The following PRKCQ variants were observed in gnomAD, a reference collection of about 807,000 sequenced individuals.
PRKCQ encodes protein kinase C theta type.
PRKCQ carries 41 observed loss-of-function variants against 91.2 expected under a neutral mutation model. That is an observed-to-expected ratio of 0.45 (90% CI 0.35 to 0.58). The LOEUF (loss-of-function observed/expected upper bound fraction) is 0.58. PRKCQ is among the 20% of genes least tolerant of loss of function. PRKCQ has a pLI of 0.00. For missense variants in PRKCQ, 673 were observed against 896.5 expected (o/e 0.75, Z 3.18); for synonymous variants, 307 against 316.9 (o/e 0.97, Z 0.33).
chr10:6,482,579 T>C (rs956420529), intron 11 of PRKCQ, among the ~76,000 whole-genome samples: 1 of 152,220 alleles, frequency 6.6e-6, no homozygotes, highest in Non-Finnish European at 1.5e-5. Context: ...CCTCCAGACC[T>C]GCGAGAACAT....
chr10:6,401,706 G>T, the PRKCQ span, among the ~76,000 whole-genome samples: 2 of 152,276 alleles, frequency 1.3e-5, no homozygotes, highest in East Asian at 3.9e-4. Context: ...GAGTCACGCT[G>T]TCTGCTGGGA....
chr10:6,498,154 C>T (rs140905007), intron 5 of PRKCQ, among the ~76,000 whole-genome samples: 2 of 151,964 alleles, frequency 1.3e-5, no homozygotes, highest in Admixed American at 6.6e-5. Context: ...AATAGCCCCC[C>T]CATTGAGGCA....
chr10:6,492,238 TAAA>T (rs5782902), intron 7 of PRKCQ, among the ~76,000 whole-genome samples: 28,411 of 147,290 alleles, frequency 0.19, 3,725 homozygotes, highest in African/African-American at 0.36. Context: ...TTGGAAGATG[TAAA>T]AAAAAAAAAA....
intron 1 of PRKCQ, among the ~76,000 whole-genome samples, chr10:6,559,986 T>G (rs1998940): frequency 0.91 from 137,745 of 152,148 alleles, 63,109 homozygotes; most frequent in East Asian, 1. Flanking sequence ...ATTGTCTTTC[T>G]ACTCCAAAAA....
At chr10:6,429,312 A>G (rs1833287391) in intron 17 of PRKCQ, among the ~76,000 whole-genome samples, 2 of 152,244 alleles carry the variant, frequency 1.3e-5, no homozygotes, top group African/African-American at 2.4e-5. Flanking sequence ...TCTGATAGCT[A>G]AAAACAAGGT....
chr10:6,542,031 G>A (rs1386900326), intron 1 of PRKCQ, among the ~76,000 whole-genome samples: 2 of 152,100 alleles, frequency 1.3e-5, no homozygotes, highest in Non-Finnish European at 2.9e-5. Context: ...TTCTCAACAC[G>A]TTCCTCAACT....
chr10:6,447,264 G>A (rs749673197), intron 15 of PRKCQ, among the ~76,000 whole-genome samples: 10 of 151,932 alleles, frequency 6.6e-5, no homozygotes, highest in East Asian at 3.9e-4. Context: ...TAAATTAGCC[G>A]GGCATGGTGG....
intron 16 of PRKCQ, among the ~76,000 whole-genome samples, chr10:6,435,942 G>A (rs958773881): frequency 5.9e-5 from 9 of 152,084 alleles, no homozygotes; most frequent in African/African-American, 1.2e-4. Flanking sequence ...GGCAAAACCC[G>A]TCTCTACAAA....
At chr10:6,414,872 G>A in the PRKCQ span, among the ~76,000 whole-genome samples, 1 of 151,810 alleles carries the variant, frequency 6.6e-6, no homozygotes, top group Non-Finnish European at 1.5e-5. Flanking sequence ...ATATGCAATT[G>A]GAGACCCAAA....
intron 1 of PRKCQ, among the ~76,000 whole-genome samples, chr10:6,552,991 G>GA (rs369524592): frequency 6.6e-6 from 1 of 151,934 alleles, no homozygotes; most frequent in Non-Finnish European, 1.5e-5. Flanking sequence ...AAAAAACATT[G>GA]AAAAAAAGTG....
At chr10:6,486,221 C>T in intron 8 of PRKCQ, 77 bp from the exon 9 acceptor site, 4 of 1,243,390 alleles carry the variant, frequency 3.2e-6, no homozygotes, top group South Asian at 2.5e-5. Flanking sequence ...GGAGGTAAGA[C>T]AGAGCCTTGC....
chr10:6,514,482 C>T (rs986149072), intron 2 of PRKCQ, among the ~76,000 whole-genome samples: 3 of 152,196 alleles, frequency 2.0e-5, no homozygotes, highest in Admixed American at 6.5e-5. Context: ...CTTGATGAAA[C>T]ATCACTATTC....
intron 15 of PRKCQ, among the ~76,000 whole-genome samples, chr10:6,449,441 C>A (rs1834523844): frequency 1.3e-5 from 2 of 151,990 alleles, no homozygotes; most frequent in Non-Finnish European, 2.9e-5. Flanking sequence ...TGTGAAAAGA[C>A]CAAATCTGTG....
At chr10:6,561,592 C>A (rs1840636322) in intron 1 of PRKCQ, among the ~76,000 whole-genome samples, 1 of 152,080 alleles carries the variant, frequency 6.6e-6, no homozygotes, top group African/African-American at 2.4e-5. Flanking sequence ...GTTACAAAGG[C>A]CTATGCCAAA....
the PRKCQ span, among the ~76,000 whole-genome samples, chr10:6,404,587 C>G: frequency 9.3e-6 from 1 of 107,898 alleles, no homozygotes. Flanking sequence ...TTCTTTCTTT[C>G]TTTTTTTCTC....
the PRKCQ span, among the ~76,000 whole-genome samples, chr10:6,413,928 T>C: frequency 6.6e-6 from 1 of 152,242 alleles, no homozygotes; most frequent in Non-Finnish European, 1.5e-5. Context: ...TGGATTTGCC[T>C]TCCCACCAGA....
the PRKCQ span, among the ~76,000 whole-genome samples, chr10:6,395,008 T>C: frequency 6.7e-6 from 1 of 149,620 alleles, no homozygotes; most frequent in Non-Finnish European, 1.5e-5. Context: ...GGAATTGCAA[T>C]AGAGAACAAA....
chr10:6,483,530 T>C lies in PRKCQ; in HGVS notation c.1089A>G (p.Glu363=). 6.2e-7 allele frequency: 1 copy of C among 1,614,190 alleles called. No homozygotes were observed. The highest frequency in any genetic ancestry group is 1.6e-4 in the Middle Eastern group (1 of 6,062). ...GCAGAGATGGTCTTTCTTTGTTCAG[T>C]TCAGGTTCTGGAAGATGGCACATTT... The part of the protein sequence containing the change: ...VDKMCHLPEP[E]LNKERPSLQI... The change falls in exon 11 of 18, where the codon GAA becomes GAG. Residue 363 remains glutamate (E), a synonymous_variant. Coordinates refer to ENST00000263125, the MANE Select transcript of PRKCQ (RefSeq NM_006257.5).
At chr10:6,407,470 AGTGT>A in the PRKCQ span, among the ~76,000 whole-genome samples, 1,553 of 148,680 alleles carry the variant, frequency 0.01, 8 homozygotes, top group African/African-American at 0.014. The surrounding 1 kb of genome is among the most constrained non-coding windows in gnomAD (Gnocchi z 4.0). Flanking sequence ...GTACATGTTC[AGTGT>A]GTGTGTGTGT....
Sources: allele counts gnomAD v4.1 joint callset (sites outside exome capture counted in the v4.1 genomes callset), GRCh38; gene constraint gnomAD v4.1.1; non-coding constraint Gnocchi (gnomAD v3.1); transcripts MANE v1.5; gene names NCBI Gene and HGNC (gene_info 2026-07-23, HGNC 2026-07-21).